Variants in PIK3C3 observed in about 807,000 individuals in gnomAD.
PIK3C3 encodes the protein PI3-kinase type 3.
In PIK3C3, 95 loss-of-function variants were observed where a neutral mutation model predicts 126.1. That is an observed-to-expected ratio of 0.75 (90% CI 0.64 to 0.89). PIK3C3 has a LOEUF of 0.89. PIK3C3 is among the 40% of genes least tolerant of loss of function. The pLI is 0.00. For missense variants in PIK3C3, 829 were observed against 1,063.2 expected (o/e 0.78, Z 3.06); for synonymous variants, 374 against 360.0 (o/e 1.04, Z -0.44).
At chr18:41,963,140 C>G (rs1385303075) in intron 3 of PIK3C3, among the ~76,000 whole-genome samples, 1 of 151,458 alleles carries the variant, frequency 6.6e-6, no homozygotes, top group Non-Finnish European at 1.5e-5. Context: ...TATCGTTTTT[C>G]TCCTGGGACA....
intron 24 of PIK3C3, among the ~76,000 whole-genome samples, chr18:42,072,926 C>G (rs1249810803): frequency 1.3e-5 from 2 of 152,070 alleles, no homozygotes; most frequent in African/African-American, 4.8e-5. Context: ...CACAAGTAGG[C>G]CTTTCACTGG....
chr18:42,014,202 C>G (rs1246793462), intron 11 of PIK3C3, among the ~76,000 whole-genome samples: 1 of 111,036 alleles, frequency 9.0e-6, no homozygotes, highest in African/African-American at 3.8e-5. Context: ...AGCGAGACTC[C>G]GTCTCAAAAA....
At chr18:42,014,968 C>T (rs569557190) in intron 11 of PIK3C3, among the ~76,000 whole-genome samples, 16 of 152,200 alleles carry the variant, frequency 1.1e-4, no homozygotes, top group African/African-American at 3.1e-4. Context: ...CTTCCCTATG[C>T]CATGTAGAAC....
chr18:41,967,109 C>A (rs1333883161), intron 3 of PIK3C3, among the ~76,000 whole-genome samples: 1 of 152,122 alleles, frequency 6.6e-6, no homozygotes, highest in Non-Finnish European at 1.5e-5. Context: ...GGAGAAAAGC[C>A]AGGCATTTCC....
chr18:42,014,336 A>G (rs1212476809), intron 11 of PIK3C3, among the ~76,000 whole-genome samples: 1 of 152,192 alleles, frequency 6.6e-6, no homozygotes, highest in Non-Finnish European at 1.5e-5. Context: ...AGTTAAACTG[A>G]AAATAATAGC....
intron 10 of PIK3C3, among the ~76,000 whole-genome samples, chr18:42,012,187 A>T (rs116846388): frequency 0.22 from 33,095 of 151,406 alleles, 4,016 homozygotes; most frequent in South Asian, 0.39. Context: ...ATTCTGTAAA[A>T]AAAAAAAAAA....
chr18:41,969,181 T>C (rs1256925089), intron 3 of PIK3C3, among the ~76,000 whole-genome samples: 1 of 150,476 alleles, frequency 6.6e-6, no homozygotes, highest in Non-Finnish European at 1.5e-5. Flanking sequence ...TAGATTTGCC[T>C]GTCCATCTAC....
intron 20 of PIK3C3, among the ~76,000 whole-genome samples, chr18:42,044,981 A>G (rs1984498096): frequency 6.6e-6 from 1 of 152,220 alleles, no homozygotes; most frequent in African/African-American, 2.4e-5. Context: ...TTTCTTATAC[A>G]TAATATTTTT....
chr18:42,006,259 G>A (rs1982536561), intron 10 of PIK3C3, among the ~76,000 whole-genome samples: 2 of 146,804 alleles, frequency 1.4e-5, no homozygotes, highest in South Asian at 2.3e-4. Context: ...AGGAGCTTCT[G>A]TCCCCATGGA....
intron 3 of PIK3C3, among the ~76,000 whole-genome samples, chr18:41,969,392 G>A (rs750762802): frequency 6.6e-6 from 1 of 152,122 alleles, no homozygotes; most frequent in Non-Finnish European, 1.5e-5. Flanking sequence ...AAGAAACATG[G>A]GAACTTGGCA....
At chr18:42,044,930 T>A (rs936335551) in intron 20 of PIK3C3, among the ~76,000 whole-genome samples, 1 of 152,212 alleles carries the variant, frequency 6.6e-6, no homozygotes, top group Admixed American at 6.5e-5. Flanking sequence ...TTGTTAAGAC[T>A]ATATTTAAAC....
intron 4 of PIK3C3, 185 bp downstream of exon 4, chr18:41,970,641 G>A: frequency 1.6e-6 from 1 of 637,254 alleles, no homozygotes; most frequent in Non-Finnish European, 2.7e-6. Flanking sequence ...CAGTCTGATG[G>A]TTTAGTAAAT....
At chr18:41,977,693 C>T (rs890120022) in intron 4 of PIK3C3, among the ~76,000 whole-genome samples, 2 of 152,052 alleles carry the variant, frequency 1.3e-5, no homozygotes, top group Non-Finnish European at 2.9e-5. Context: ...CCATGTTGGC[C>T]AGGCAGGTCT....
At chr18:42,075,018 A>T (rs905814886) in intron 24 of PIK3C3, among the ~76,000 whole-genome samples, 5 of 152,178 alleles carry the variant, frequency 3.3e-5, no homozygotes, top group South Asian at 2.1e-4. Context: ...TATGTAATTC[A>T]TATAGTCTCC....
intron 21 of PIK3C3, among the ~76,000 whole-genome samples, chr18:42,051,588 G>T (rs1045593521): frequency 6.6e-6 from 1 of 152,052 alleles, no homozygotes; most frequent in African/African-American, 2.4e-5. Flanking sequence ...TCATGTCTGT[G>T]TCAAAGCCAG....
At chr18:42,014,391 G>A (rs1414325972) in intron 11 of PIK3C3, among the ~76,000 whole-genome samples, 1 of 151,994 alleles carries the variant, frequency 6.6e-6, no homozygotes, top group African/African-American at 2.4e-5. Flanking sequence ...ATAAAAATTA[G>A]GAGTTCCCAA....
At chr18:42,004,207 C>G in intron 9 of PIK3C3, 149 bp from the exon 10 acceptor site, 1 of 600,824 alleles carries the variant, frequency 1.7e-6, no homozygotes, top group Non-Finnish European at 2.9e-6. Context: ...TCTATAAGAT[C>G]ATATATATAA....
intron 22 of PIK3C3, among the ~76,000 whole-genome samples, chr18:42,062,115 G>A (rs1482967876): frequency 6.6e-6 from 1 of 151,970 alleles, no homozygotes; most frequent in Non-Finnish European, 1.5e-5. Flanking sequence ...TTTCAAAACT[G>A]ACTTTGTATT....
chr18:41,967,361 C>T (rs932614747), intron 3 of PIK3C3, among the ~76,000 whole-genome samples: 3 of 152,174 alleles, frequency 2.0e-5, no homozygotes, highest in Non-Finnish European at 4.4e-5. Flanking sequence ...TGTGCCACTA[C>T]CATTCTCATA....
Sources: gnomAD v4.1 joint callset for allele counts (sites outside exome capture counted in the v4.1 genomes callset) on GRCh38, gnomAD v4.1.1 for gene constraint, MANE v1.5 for transcripts, NCBI Gene and HGNC (gene_info 2026-07-23, HGNC 2026-07-21) for gene names.